SNX29: variants seen among roughly 807,000 people sequenced by gnomAD.
SNX29 encodes the protein sorting nexin 29.
SNX29 carries 78 observed loss-of-function variants against 102.1 expected under a neutral mutation model. That is an observed-to-expected ratio of 0.76 (90% CI 0.64 to 0.92). SNX29 has a LOEUF of 0.92. Ranked by LOEUF, SNX29 falls within the 40% of genes least tolerant of loss-of-function variation. SNX29 has a pLI of 0.00. For missense variants in SNX29, 1,280 were observed against 1,061.7 expected (o/e 1.21, Z -2.86); for synonymous variants, 580 against 414.5 (o/e 1.40, Z -4.85).
intron 20 of SNX29, among the ~76,000 whole-genome samples, chr16:12,543,094 A>G (rs991430639): frequency 5.3e-5 from 8 of 152,200 alleles, no homozygotes; most frequent in Non-Finnish European, 8.8e-5. Context: ...TGTCTGGTGG[A>G]AAGATGGATC....
chr16:12,075,671 G>A (rs979416999), intron 10 of SNX29, among the ~76,000 whole-genome samples: 16 of 152,192 alleles, frequency 1.1e-4, no homozygotes, highest in African/African-American at 3.9e-4. Context: ...GCTGCGTGCT[G>A]GGAGAACTAC....
At chr16:12,093,915 G>A (rs190712399) in intron 11 of SNX29, 1 of 152,282 alleles carries the variant, frequency 6.6e-6, no homozygotes, top group East Asian at 1.9e-4. Context: ...TAAGAAACAC[G>A]AAACACTTCA....
At position 12,467,362 on chromosome 16, in the gene SNX29, T is replaced by G. The variant is rs542400884; in HGVS notation, c.2038-10357T>G. Among the ~76,000 whole-genome samples the G allele has an allele frequency of 4.6e-5, 7 of 152,362 alleles. No homozygotes were observed. In the South Asian group the frequency reaches 1.4e-3, roughly 32 times the overall value. ...TATCGCTCACTAGGGCGAAGATCCATGCTCTCCTTTTCCTTTTCCAAATCC... is the reference window on the plus strand; with the variant it reads ...TATCGCTCACTAGGGCGAAGATCCAGGCTCTCCTTTTCCTTTTCCAAATCC... On this transcript the variant is annotated intron_variant, in intron 18 of 20. Transcript: ENST00000566228.
At chr16:12,221,058 G>A (rs1029952327) in intron 14 of SNX29, among the ~76,000 whole-genome samples, 1 of 151,874 alleles carries the variant, frequency 6.6e-6, no homozygotes, top group African/African-American at 2.4e-5. Flanking sequence ...TAATTTTAGC[G>A]CCCTGAATTG....
intron 13 of SNX29, among the ~76,000 whole-genome samples, chr16:12,175,298 G>T (rs568590146): frequency 1.3e-5 from 2 of 152,232 alleles, no homozygotes; most frequent in East Asian, 1.9e-4. Context: ...CAATGTGATT[G>T]TATCTGGAGA....
chr16:12,188,907 A>G (rs1341373017), intron 13 of SNX29, among the ~76,000 whole-genome samples: 1 of 152,210 alleles, frequency 6.6e-6, no homozygotes, highest in African/African-American at 2.4e-5. Context: ...AAAGTTACCC[A>G]GACTTCTTGT....
chr16:12,493,861 G>C (rs544672122), intron 19 of SNX29, among the ~76,000 whole-genome samples: 6 of 152,158 alleles, frequency 3.9e-5, no homozygotes, highest in African/African-American at 1.4e-4. Flanking sequence ...CAAAATGCTG[G>C]GGTTACAGGC....
intron 20 of SNX29, among the ~76,000 whole-genome samples, chr16:12,562,544 C>T (rs140547105): frequency 5.3e-5 from 8 of 152,300 alleles, no homozygotes; most frequent in African/African-American, 1.2e-4. Context: ...AGCCAGGAGT[C>T]ATCTAAGACA....
At chr16:12,240,898 A>G (rs8058220) in intron 14 of SNX29, among the ~76,000 whole-genome samples, 5,953 of 152,028 alleles carry the variant, frequency 0.039, 420 homozygotes, top group African/African-American at 0.14. Flanking sequence ...TACCCACCGC[A>G]CCTTGCCATC....
intron 8 of SNX29, among the ~76,000 whole-genome samples, chr16:12,054,681 C>T (rs568710317): frequency 6.6e-6 from 1 of 152,288 alleles, no homozygotes; most frequent in African/African-American, 2.4e-5. Context: ...TTGTGGACTG[C>T]GGATCATGGG....
At chr16:12,555,462 T>G (rs3135009) in intron 20 of SNX29, among the ~76,000 whole-genome samples, 1 of 151,790 alleles carries the variant, frequency 6.6e-6, no homozygotes, top group Non-Finnish European at 1.5e-5. Flanking sequence ...GTTTCCCTAG[T>G]TGACATGTCT....
chr16:12,130,865 G>T (rs1444983463), intron 13 of SNX29, among the ~76,000 whole-genome samples: 1 of 151,962 alleles, frequency 6.6e-6, no homozygotes, highest in Non-Finnish European at 1.5e-5. Flanking sequence ...ACATTTCCTT[G>T]TCTGACTGCA....
rs80044770 is a variant in SNX29, at chr16:12,539,184, A to C, written c.2318+14343A>C. ...TGTTCATGTCTGTGAATTTAAACACATGCATAGATTTGAGTAACCACCATC... is the reference window on the plus strand; with the variant it reads ...TGTTCATGTCTGTGAATTTAAACACCTGCATAGATTTGAGTAACCACCATC... On this transcript the variant is annotated intron_variant, in intron 20 of 20. Transcript: ENST00000566228. Among the ~76,000 whole-genome samples the C allele has an allele frequency of 1.2e-3, 189 of 152,306 alleles. 3 individuals are homozygous for C. In the East Asian group the frequency reaches 0.035, roughly 28 times the overall value.
At chr16:12,538,478 G>A (rs2077177857) in intron 20 of SNX29, among the ~76,000 whole-genome samples, 1 of 152,150 alleles carries the variant, frequency 6.6e-6, no homozygotes. Flanking sequence ...TGTTGATGCT[G>A]TGTAACATAC....
intron 20 of SNX29, among the ~76,000 whole-genome samples, chr16:12,561,780 G>C (rs2078738896): frequency 6.6e-6 from 1 of 152,146 alleles, no homozygotes; most frequent in African/African-American, 2.4e-5. Context: ...CACATGTCAG[G>C]ACCACGCGTG....
At chr16:11,994,540 C>T (rs774803228) in intron 1 of SNX29, among the ~76,000 whole-genome samples, 29 of 152,228 alleles carry the variant, frequency 1.9e-4, no homozygotes, top group Non-Finnish European at 3.2e-4. Context: ...TATCCCTCCT[C>T]GGCCACTTCC....
intron 15 of SNX29, among the ~76,000 whole-genome samples, chr16:12,311,815 G>A (rs2080562063): frequency 6.6e-6 from 1 of 152,234 alleles, no homozygotes; most frequent in Non-Finnish European, 1.5e-5. Context: ...CCTAAAACTG[G>A]GGCTTGTTTT....
At chr16:12,541,030 C>T (rs539160229) in intron 20 of SNX29, among the ~76,000 whole-genome samples, 1 of 152,298 alleles carries the variant, frequency 6.6e-6, no homozygotes, top group South Asian at 2.1e-4. Flanking sequence ...AACAACTGGT[C>T]ATCTCTGTAG....
At chr16:11,982,521 C>G (rs1210925257) in intron 1 of SNX29, among the ~76,000 whole-genome samples, 2 of 150,940 alleles carry the variant, frequency 1.3e-5, no homozygotes, top group Admixed American at 6.6e-5. Flanking sequence ...GCTCTGCCTC[C>G]TGGGTTCAGG....
Sources: allele counts gnomAD v4.1 joint callset (sites outside exome capture counted in the v4.1 genomes callset), GRCh38; gene constraint gnomAD v4.1.1; transcripts MANE v1.5; gene names NCBI Gene and HGNC (gene_info 2026-07-23, HGNC 2026-07-21).